The following FMN1 variants were observed in gnomAD, a reference collection of about 807,000 sequenced individuals.
The protein encoded by FMN1 is formin 1.
Under a neutral mutation model 132.4 loss-of-function variants are expected in FMN1, and 110 were observed. The ratio of observed to expected loss-of-function variants is 0.83; its 90% CI spans 0.71 to 0.97. FMN1 has a LOEUF of 0.97. Among genes scored for constraint, FMN1 ranks in the 50% least tolerant of loss-of-function variants. The pLI is 0.00. For missense variants in FMN1, 1,792 were observed against 1,705.3 expected (o/e 1.05, Z -0.90); for synonymous variants, 722 against 651.7 (o/e 1.11, Z -1.64).
At chr15:33,096,761 C>A (rs190666423) in intron 4 of FMN1, among the ~76,000 whole-genome samples, 316 of 152,210 alleles carry the variant, frequency 2.1e-3, no homozygotes, top group African/African-American at 7.4e-3. Flanking sequence ...CACCACCATG[C>A]CCAGCTATTT....
intron 16 of FMN1, among the ~76,000 whole-genome samples, chr15:32,861,172 G>T (rs2059259170): frequency 6.6e-6 from 1 of 152,130 alleles, no homozygotes; most frequent in South Asian, 2.1e-4. Flanking sequence ...CATGAACGTA[G>T]TATAAAACAT....
At chr15:33,004,309 A>C (rs549970307) in intron 7 of FMN1, among the ~76,000 whole-genome samples, 13 of 152,370 alleles carry the variant, frequency 8.5e-5, no homozygotes, top group African/African-American at 3.1e-4. Flanking sequence ...CAAAGGGCTA[A>C]TATCCAGAAT....
chr15:32,885,687 C>G (rs2059880726), intron 16 of FMN1, among the ~76,000 whole-genome samples: 1 of 152,034 alleles, frequency 6.6e-6, no homozygotes. Flanking sequence ...ATAAAAATGC[C>G]ATTCAAAGTT....
At chr15:32,929,460 C>A (rs919052543) in intron 9 of FMN1, among the ~76,000 whole-genome samples, 1 of 152,048 alleles carries the variant, frequency 6.6e-6, no homozygotes, top group Non-Finnish European at 1.5e-5. Context: ...TGAAATGTAT[C>A]CTATTAACAA....
intron 4 of FMN1, among the ~76,000 whole-genome samples, chr15:33,135,633 C>T (rs970149241): frequency 1.1e-4 from 16 of 152,140 alleles, no homozygotes; most frequent in Admixed American, 3.3e-4. Flanking sequence ...CTGGAGAAAC[C>T]GAGAGCTTGG....
chr15:33,123,620 T>C (rs1002863059), intron 4 of FMN1, among the ~76,000 whole-genome samples: 11 of 152,162 alleles, frequency 7.2e-5, no homozygotes, highest in African/African-American at 2.7e-4. Context: ...ATAGTGAGGG[T>C]TGTTGATCAA....
intron 6 of FMN1, among the ~76,000 whole-genome samples, chr15:33,010,254 C>T (rs1566821418): frequency 6.6e-6 from 1 of 151,926 alleles, no homozygotes; most frequent in Non-Finnish European, 1.5e-5. Flanking sequence ...CTAGAAAAGA[C>T]AATCTAGAGG....
chr15:33,043,141 A>G (rs2036517711), intron 6 of FMN1, among the ~76,000 whole-genome samples: 1 of 152,180 alleles, frequency 6.6e-6, no homozygotes, highest in South Asian at 2.1e-4. Context: ...TATGTAGTAC[A>G]ATACCCTTTT....
Position 32,806,611 on chromosome 15 carries a change from C to T in FMN1, c.3929-2279G>A, listed in dbSNP as rs556017677. On this transcript the variant is annotated intron_variant, in intron 17 of 20. Transcript: ENST00000616417. ...GCTCTAGAAGGCCCTGCACTTAAGT[C>T]GGCTCCCTGGCTGTTTGGTGGCATT... 2.9e-4 allele frequency among the ~76,000 whole-genome samples: 44 copies of T among 152,328 alleles called. 1 individual carries two copies. Among genetic ancestry groups the T allele is most frequent in the African/African-American group, 9.4e-4 (39 of 41,558 alleles).
intron 6 of FMN1, among the ~76,000 whole-genome samples, chr15:33,046,415 A>G (rs1408390090): frequency 1.3e-5 from 2 of 152,220 alleles, no homozygotes; most frequent in African/African-American, 4.8e-5. Context: ...AGATTTAGAA[A>G]TGACAGGACC....
intron 3 of FMN1, among the ~76,000 whole-genome samples, chr15:33,178,969 T>C (rs1965606841): frequency 6.6e-6 from 1 of 152,214 alleles, no homozygotes; most frequent in Admixed American, 6.5e-5. Context: ...GATTAAAATG[T>C]AATTATCTAA....
At chr15:33,001,566 T>TCTC (rs2034110617) in intron 7 of FMN1, among the ~76,000 whole-genome samples, 1 of 96,686 alleles carries the variant, frequency 1.0e-5, no homozygotes, top group Non-Finnish European at 2.1e-5. Flanking sequence ...TCCTCCCACT[T>TCTC]CCCCCCCCAC....
chr15:32,841,760 T>C (rs1323081102), intron 17 of FMN1, among the ~76,000 whole-genome samples: 1 of 152,218 alleles, frequency 6.6e-6, no homozygotes, highest in Non-Finnish European at 1.5e-5. Context: ...TCCTGTTTCC[T>C]GGAAATACCA....
At chr15:32,899,442 C>T (rs966410054) in intron 14 of FMN1, among the ~76,000 whole-genome samples, 3 of 152,298 alleles carry the variant, frequency 2.0e-5, no homozygotes, top group South Asian at 4.1e-4. Context: ...CTCCCTGCAC[C>T]CCCCTGCCCC....
At chr15:33,098,351 T>C (rs1482601096) in intron 4 of FMN1, among the ~76,000 whole-genome samples, 1 of 152,204 alleles carries the variant, frequency 6.6e-6, no homozygotes, top group Non-Finnish European at 1.5e-5. Context: ...GTGGATTCAG[T>C]GACCACATGC....
chr15:32,969,830 T>C (rs2031631609), intron 7 of FMN1, among the ~76,000 whole-genome samples: 1 of 152,178 alleles, frequency 6.6e-6, no homozygotes, highest in Non-Finnish European at 1.5e-5. Flanking sequence ...ATCTATCTGT[T>C]TTACAACTTT....
intron 19 of FMN1, among the ~76,000 whole-genome samples, chr15:32,780,031 C>A (rs555906968): frequency 4.6e-5 from 7 of 152,188 alleles, no homozygotes; most frequent in African/African-American, 1.7e-4. Flanking sequence ...AGCCCTATCA[C>A]TTATTAACTG....
intron 6 of FMN1, among the ~76,000 whole-genome samples, chr15:33,010,376 G>C (rs576075523): frequency 6.6e-6 from 1 of 152,090 alleles, no homozygotes; most frequent in Non-Finnish European, 1.5e-5. Flanking sequence ...AATGATATTA[G>C]ATATTATTCT....
chr15:33,188,524 C>T (rs1248438841), intron 2 of FMN1, among the ~76,000 whole-genome samples: 6 of 152,092 alleles, frequency 3.9e-5, no homozygotes, highest in Admixed American at 2.6e-4. Flanking sequence ...GGTCCCTGCA[C>T]AACTACTTTG....
Sources: gnomAD v4.1 joint callset for allele counts (sites outside exome capture counted in the v4.1 genomes callset) on GRCh38, gnomAD v4.1.1 for gene constraint, MANE v1.5 for transcripts, NCBI Gene and HGNC (gene_info 2026-07-23, HGNC 2026-07-21) for gene names.